Variants in ADAMTSL3 observed in about 807,000 individuals in gnomAD.
ADAMTSL3 encodes ADAMTS-like protein 3.
A neutral mutation model predicts 201.7 loss-of-function variants in ADAMTSL3; 128 were observed. The ratio of observed to expected loss-of-function variants is 0.63; its 90% CI spans 0.55 to 0.73. The LOEUF (loss-of-function observed/expected upper bound fraction) is 0.73. ADAMTSL3 is among the 30% of genes least tolerant of loss of function. The pLI is 0.00. For missense variants in ADAMTSL3, 1,990 were observed against 2,119.6 expected, an observed-to-expected ratio of 0.94 and a Z score of 1.20; for synonymous variants, 738 against 748.4, an observed-to-expected ratio of 0.99 and a Z score of 0.23.
intron 3 of ADAMTSL3, among the ~76,000 whole-genome samples, chr15:83,719,711 A>T (rs893160477): frequency 1.3e-5 from 2 of 152,158 alleles, no homozygotes; most frequent in Non-Finnish European, 2.9e-5. Flanking sequence ...ACCTTTATGT[A>T]TGTTTGAAAT....
intron 2 of ADAMTSL3, among the ~76,000 whole-genome samples, chr15:83,657,105 T>A (rs1374767797): frequency 1.3e-5 from 2 of 152,200 alleles, no homozygotes; most frequent in African/African-American, 4.8e-5. Context: ...GCGAGATGAC[T>A]GTTGAGGTAA....
intron 7 of ADAMTSL3, among the ~76,000 whole-genome samples, chr15:83,848,344 A>C (rs2064544378): frequency 6.6e-6 from 1 of 152,256 alleles, no homozygotes; most frequent in South Asian, 2.1e-4. Flanking sequence ...TATAAATTAC[A>C]GTGCTTCTGG....
At chr15:83,685,143 C>T (rs963208408) in intron 2 of ADAMTSL3, among the ~76,000 whole-genome samples, 3 of 152,066 alleles carry the variant, frequency 2.0e-5, no homozygotes, top group East Asian at 1.9e-4. Flanking sequence ...TCTACTTCTG[C>T]GAATTGCTTA....
chr15:83,857,103 T>C (rs888855617), intron 7 of ADAMTSL3, among the ~76,000 whole-genome samples: 5 of 152,226 alleles, frequency 3.3e-5, no homozygotes, highest in African/African-American at 1.2e-4. Context: ...CATGTGCTTA[T>C]TGGCCATTTG....
In ADAMTSL3 at chr15:83,869,418, A is replaced by T. The variant is rs530416112; in HGVS notation, c.803-1384A>T. ...AGGGCCAAAGTGGTTGGGGTTTTGT[A>T]TGCCTGCAAGTAGCCAGCATTATTC... On this transcript the variant is annotated intron_variant, in intron 8 of 29. Transcript: ENST00000286744. Among the ~76,000 whole-genome samples the T allele has an allele frequency of 2.0e-5, 3 of 152,322 alleles. No individual in the cohort carries two copies. In the East Asian group the frequency reaches 5.8e-4, roughly 29 times the overall value.
intron 23 of ADAMTSL3, 130 bp from the exon 24 acceptor site, chr15:84,014,412 T>C: frequency 1.2e-6 from 1 of 830,490 alleles, no homozygotes. Context: ...GAAATAGCCA[T>C]TTTTCCTATT....
At chr15:83,942,820 G>C (rs758157439) in intron 18 of ADAMTSL3, 32 bp downstream of exon 18, 1 of 1,609,250 alleles carries the variant, frequency 6.2e-7, no homozygotes, top group African/African-American at 1.3e-5. Context: ...AGGGCCCTCT[G>C]TGATTATGAC....
intron 15 of ADAMTSL3, among the ~76,000 whole-genome samples, chr15:83,911,985 G>A (rs1158146072): frequency 6.6e-6 from 1 of 152,156 alleles, no homozygotes. Flanking sequence ...ATAGTCTTTG[G>A]AAAAGTTTTG....
chr15:83,727,309 T>C (rs909010443), intron 3 of ADAMTSL3, among the ~76,000 whole-genome samples: 1 of 152,012 alleles, frequency 6.6e-6, no homozygotes, highest in Non-Finnish European at 1.5e-5. Context: ...TAAGGGTTTG[T>C]TGATTTTGTT....
intron 17 of ADAMTSL3, among the ~76,000 whole-genome samples, chr15:83,931,255 G>A (rs1462546135): frequency 6.6e-6 from 1 of 152,178 alleles, no homozygotes; most frequent in Non-Finnish European, 1.5e-5. Context: ...ATGTGTTTCT[G>A]TACCAGCTTG....
intron 21 of ADAMTSL3, among the ~76,000 whole-genome samples, chr15:83,985,640 T>TC (rs2067461310): frequency 1.3e-5 from 2 of 152,174 alleles, no homozygotes; most frequent in Non-Finnish European, 2.9e-5. Context: ...TCTTTTTTTT[T>TC]CTTTTCTTTA....
At chr15:83,954,891 G>A (rs534672743) in intron 19 of ADAMTSL3, among the ~76,000 whole-genome samples, 48 of 152,296 alleles carry the variant, frequency 3.2e-4, no homozygotes, top group African/African-American at 1.1e-3. Flanking sequence ...AGCTGGGATT[G>A]GGGTGATGCA....
At chr15:83,799,995 C>T (rs1449432300) in intron 4 of ADAMTSL3, among the ~76,000 whole-genome samples, 1 of 151,908 alleles carries the variant, frequency 6.6e-6, no homozygotes, top group Admixed American at 6.6e-5. Flanking sequence ...AGTAGTCTTT[C>T]ATTTTCATAC....
At chr15:83,961,048 G>T (rs1030116400) in intron 19 of ADAMTSL3, among the ~76,000 whole-genome samples, 1 of 152,092 alleles carries the variant, frequency 6.6e-6, no homozygotes, top group South Asian at 2.1e-4. Flanking sequence ...GGAAAAAGTG[G>T]CTTTAAAGTG....
intron 2 of ADAMTSL3, among the ~76,000 whole-genome samples, chr15:83,677,163 A>G (rs2061417839): frequency 6.6e-6 from 1 of 152,064 alleles, no homozygotes; most frequent in South Asian, 2.1e-4. Flanking sequence ...ATCCTTTTAA[A>G]TTCACTGAAG....
chr15:84,021,342 C>T (rs2068201628), intron 25 of ADAMTSL3, 68 bp from the exon 26 acceptor site: 5 of 1,571,706 alleles, frequency 3.2e-6, no homozygotes, highest in Non-Finnish European at 3.5e-6. Flanking sequence ...GGTTTTTGGC[C>T]ATGTCTTCTC....
intron 19 of ADAMTSL3, among the ~76,000 whole-genome samples, chr15:83,952,303 T>C (rs1458717288): frequency 6.6e-6 from 1 of 152,198 alleles, no homozygotes; most frequent in African/African-American, 2.4e-5. Context: ...TTTCATTCCA[T>C]TGTGGTCAGA....
intron 23 of ADAMTSL3, 100 bp from the exon 24 acceptor site, chr15:84,014,442 T>C (rs556029183): frequency 3.6e-6 from 4 of 1,118,228 alleles, no homozygotes; most frequent in East Asian, 2.4e-5. Flanking sequence ...TAAACCCATA[T>C]GCTGACTTAC....
At chr15:83,977,867 A>G (rs922325988) in intron 20 of ADAMTSL3, among the ~76,000 whole-genome samples, 5 of 152,254 alleles carry the variant, frequency 3.3e-5, no homozygotes, top group Admixed American at 2.6e-4. Flanking sequence ...TGCTCATTTC[A>G]GAATCCACCC....
Sources: gnomAD v4.1 joint callset for allele counts (sites outside exome capture counted in the v4.1 genomes callset) on GRCh38, gnomAD v4.1.1 for gene constraint, MANE v1.5 for transcripts, NCBI Gene and HGNC (gene_info 2026-07-23, HGNC 2026-07-21) for gene names.